Variants in SYT7 observed in about 807,000 individuals in gnomAD.
The protein encoded by SYT7 is synaptotagmin-7.
In SYT7, 29 loss-of-function variants were observed where a neutral mutation model predicts 75.1. The observed-to-expected ratio is 0.39, with a 90% CI of 0.29 to 0.53. SYT7 has a LOEUF of 0.53. Among genes scored for constraint, SYT7 ranks in the 20% least tolerant of loss-of-function variants. The pLI, the probability that SYT7 is intolerant of heterozygous loss-of-function variation, is 0.77. For synonymous variants in SYT7, 376 were observed against 401.7 expected (o/e 0.94, Z 0.76); for missense variants, 693 against 953.2 (o/e 0.73, Z 3.59).
chr11:61,523,687 G>T lies in SYT7; in HGVS notation c.1756+140C>A. 7 of 886,460 alleles carry T rather than the reference G, an allele frequency of 7.9e-6. No homozygotes were observed. The highest frequency in any genetic ancestry group is 1.3e-5 in the Non-Finnish European group (7 of 557,658). 54.9% of individuals were successfully genotyped at this position (886,460 alleles called of 1,614,324 possible). A position where few individuals can be genotyped will look rare whatever the true frequency, so the allele number is the denominator to read the frequency against. ...AAAGGGGGGCCCCAGGGTCTCTAGGGTAAGGAGTGAGGACTGGAGGTCGGG... is the reference window on the plus strand; with the variant it reads ...AAAGGGGGGCCCCAGGGTCTCTAGGTTAAGGAGTGAGGACTGGAGGTCGGG... On this transcript the variant is annotated intron_variant, in intron 11 of 12. Transcript: ENST00000539008. The surrounding 1 kb of genome is among the most constrained non-coding windows in gnomAD (Gnocchi z 5.0).
Position 61,546,375 on chromosome 11 carries a change from A to C in SYT7, c.348-120T>G. The C allele has an allele frequency of 3.2e-6, 2 of 621,970 alleles. No homozygotes were observed. Among genetic ancestry groups the C allele is most frequent in the Non-Finnish European group, 5.4e-6 (2 of 371,846 alleles). The allele number at this position is 621,970 out of a possible 1,614,324, so 38.5% of individuals were successfully genotyped here. ...GAGGAAGAAAAACAATAACAGATAA[A>C]AGGAAGAAAGAGACAGTGAGAGAGG... On this transcript the variant is annotated intron_variant, in intron 4 of 12. Transcript: ENST00000539008. The surrounding 1 kb of genome is among the most constrained non-coding windows in gnomAD (Gnocchi z 7.6).
At chr11:61,552,452 GCA>G (rs150416838) in intron 2 of SYT7, among the ~76,000 whole-genome samples, 10,877 of 143,858 alleles carry the variant, frequency 0.076, 847 homozygotes, top group African/African-American at 0.23. Flanking sequence ...CTCCCCGGCT[GCA>G]CACACACACA....
At chr11:61,552,623 C>T (rs2063385714) in intron 2 of SYT7, among the ~76,000 whole-genome samples, 1 of 152,226 alleles carries the variant, frequency 6.6e-6, no homozygotes, top group Non-Finnish European at 1.5e-5. Context: ...ATTCCTGTCA[C>T]AGCCATGCTC....
rs554204656 is a variant in SYT7, at chr11:61,538,535, C to T, written c.942-269G>A. On this transcript the variant is annotated intron_variant, in intron 6 of 12. Coordinates refer to ENST00000539008, the MANE Select transcript of SYT7 (RefSeq NM_001365809.2). ...GGCAGGGAGGGAGGGGAGTTGACTA[C>T]GGCCTGAGACTCCACTGGTCTGAGC... is the stretch of plus-strand genomic sequence containing the variant. Among the ~76,000 whole-genome samples the T allele has an allele frequency of 1.1e-4, 17 of 152,146 alleles. No homozygotes were observed. In the East Asian group the frequency reaches 2.9e-3, roughly 26 times the overall value.
At chr11:61,539,765 A>G (rs2062988913) in intron 6 of SYT7, 1 of 152,094 alleles carries the variant, frequency 6.6e-6, no homozygotes, top group Admixed American at 6.5e-5. Context: ...AAAATGGGAC[A>G]TTACCTCTGG....
chr11:61,559,071 A>T (rs887987390), intron 1 of SYT7, among the ~76,000 whole-genome samples: 3 of 152,186 alleles, frequency 2.0e-5, no homozygotes, highest in Admixed American at 6.5e-5. Context: ...CAGCTGTGTG[A>T]CTTTGGACAA....
intron 7 of SYT7, among the ~76,000 whole-genome samples, chr11:61,536,666 C>T (rs1048617119): frequency 6.6e-6 from 1 of 152,232 alleles, no homozygotes; most frequent in East Asian, 1.9e-4. Context: ...TGACCCCACT[C>T]TCTGGGGACT....
intron 2 of SYT7, among the ~76,000 whole-genome samples, chr11:61,552,895 A>G (rs528097820): frequency 6.6e-6 from 1 of 152,224 alleles, no homozygotes; most frequent in South Asian, 2.1e-4. Flanking sequence ...CTCTCATCAC[A>G]TATATGAGTA....
At position 61,524,450 on chromosome 11, in the gene SYT7, A is replaced by G. The variant is rs10897167; in HGVS notation, c.1554T>C (p.Ile518=). The part of the protein sequence containing the change: ...DYDRFSRNDP[I]GEVSIPLNKV... ...TGTTAAGGGGGATGGACACCTCCCC[A>G]ATGGGGTCGTTGCGGCTGAAGCGGT... Residue 518 remains isoleucine, a synonymous_variant, in exon 10 of 13, where the codon ATT becomes ATC. Transcript: ENST00000539008. The surrounding 1 kb of genome is among the most constrained non-coding windows in gnomAD (Gnocchi z 4.1). 105,276 of 1,613,540 alleles carry G rather than the reference A, an allele frequency of 0.065. 8,598 individuals carry two copies. Among genetic ancestry groups the G allele is most frequent in the African/African-American group, 0.4 (30,312 of 74,968 alleles).
chr11:61,524,080 C>G lies in SYT7; in HGVS notation c.1642-139G>C. The G allele has an allele frequency of 2.4e-6, 2 of 826,376 alleles. No individual in the cohort carries two copies. The highest frequency in any genetic ancestry group is 3.9e-6 in the Non-Finnish European group (2 of 513,334). 51.2% of individuals were successfully genotyped at this position (826,376 alleles called of 1,614,324 possible). A position where few individuals can be genotyped will look rare whatever the true frequency, so the allele number is the denominator to read the frequency against. ...CTGTCACCTCTGTCTCACTCTGTCT[C>G]CCCCCATCTGGCAGGTGTGTGTACT... On this transcript the variant is annotated intron_variant, in intron 10 of 12. Transcript: ENST00000539008. This position sits in a 1 kb window ranked among gnomAD's most constrained non-coding sequence, Gnocchi z 4.1.
intron 3 of SYT7, among the ~76,000 whole-genome samples, chr11:61,548,698 T>G (rs1345227685): frequency 1.3e-5 from 2 of 152,118 alleles, no homozygotes; most frequent in Non-Finnish European, 2.9e-5. Context: ...CAAGCAAACA[T>G]GTTCTTGCGG....
At position 61,527,951 on chromosome 11, in the gene SYT7, G is replaced by A. The variant is rs2135104795; in HGVS notation, c.1435C>T (p.Leu479=). 1 of 1,614,190 alleles carries A rather than the reference G, an allele frequency of 6.2e-7. No homozygotes were observed. Among genetic ancestry groups the A allele is most frequent in the Non-Finnish European group, 8.5e-7 (1 of 1,180,042 alleles). ...AAGGTCTCGTTCCAGTGGGGGTTCA[G>A]GTTCTTCCGCTTCACCTTGGTCTCC... ...KLETKVKRKN[L]NPHWNETFLF... is the part of the protein sequence containing the mutation. Residue 479 remains leucine (L), a synonymous_variant, in exon 9 of 13, where the codon CTG becomes TTG. Coordinates refer to ENST00000539008, the MANE Select transcript of SYT7 (RefSeq NM_001365809.2).
chr11:61,575,804 G>A (rs1233839684), intron 1 of SYT7, among the ~76,000 whole-genome samples: 1 of 152,178 alleles, frequency 6.6e-6, no homozygotes, highest in Non-Finnish European at 1.5e-5. Flanking sequence ...CTGGCACTTC[G>A]ATAAGCACAG....
rs372612027 is a variant in SYT7, at chr11:61,556,243, C to A, written c.32-36G>T. The A allele has an allele frequency of 1.3e-4, 199 of 1,556,016 alleles. No individual in the cohort carries two copies. In the African/African-American group the frequency reaches 2.3e-3, roughly 18 times the overall value. The stretch of plus-strand genomic sequence containing the variant: ...CAGGTACAGGTCACACCCTCATTGG[C>A]CAGGGCCTGCCACCCTCCCTCAGCC... On this transcript the variant is annotated intron_variant, in intron 1 of 12. Transcript: ENST00000539008.
intron 6 of SYT7, chr11:61,539,716 T>C (rs1029255989): frequency 2.6e-5 from 4 of 152,058 alleles, no homozygotes; most frequent in Non-Finnish European, 5.9e-5. Flanking sequence ...AGGCGAGAAA[T>C]AGCCTCTGAG....
intron 1 of SYT7, among the ~76,000 whole-genome samples, chr11:61,573,912 T>C (rs187831539): frequency 1.3e-5 from 2 of 152,394 alleles, no homozygotes; most frequent in African/African-American, 4.8e-5. Context: ...GACCTACTTC[T>C]AACTGCAAGT....
rs2062100603 is a variant in SYT7, at chr11:61,513,779, A to T, written c.*4848T>A. Among the ~76,000 whole-genome samples, 1 of 151,992 alleles carries T rather than the reference A, an allele frequency of 6.6e-6. No individual in the cohort carries two copies. The highest frequency in any genetic ancestry group is 2.4e-5 in the African/African-American group (1 of 41,372). On this transcript the variant is annotated 3_prime_UTR_variant, in exon 13 of 13. Transcript: ENST00000539008. The stretch of plus-strand genomic sequence containing the variant: ...TGCCACATGGAACATGTATGCAGAC[A>T]GGGATCCCTGCCCAGGGGGCTCACA...
chr11:61,550,945 C>A (rs2063330611), intron 3 of SYT7, among the ~76,000 whole-genome samples: 2 of 152,198 alleles, frequency 1.3e-5, no homozygotes, highest in South Asian at 4.1e-4. Flanking sequence ...ACTTCCAGGT[C>A]ATCCTCAAAC....
Position 61,542,677 on chromosome 11 carries a change from G to GC in SYT7, c.573-99dup. On this transcript the variant is annotated intron_variant, in intron 5 of 12. Transcript: ENST00000539008. This position sits in a 1 kb window ranked among gnomAD's most constrained non-coding sequence, Gnocchi z 7.8. ...AGGGCCAGGACTAGGAGGCCCCAGT[G>GC]CAGGGTGCGCGCTGCCGGACCTCGC... The GC allele has an allele frequency of 1.3e-5, 19 of 1,412,074 alleles. No homozygotes were observed. Among genetic ancestry groups the GC allele is most frequent in the Non-Finnish European group, 1.7e-5 (19 of 1,089,114 alleles). 87.5% of individuals were successfully genotyped at this position (1,412,074 alleles called of 1,614,324 possible). A position where few individuals can be genotyped will look rare whatever the true frequency, so the allele number is the denominator to read the frequency against.
Sources: gnomAD v4.1 joint callset for allele counts (sites outside exome capture counted in the v4.1 genomes callset) on GRCh38, gnomAD v4.1.1 for gene constraint, Gnocchi (gnomAD v3.1) non-coding constraint, MANE v1.5 for transcripts, NCBI Gene and HGNC (gene_info 2026-07-23, HGNC 2026-07-21) for gene names.